RBM25: variants seen among roughly 807,000 people sequenced by gnomAD.
RBM25 encodes the protein RNA-binding protein 25.
A neutral mutation model predicts 120.7 loss-of-function variants in RBM25; 19 were observed. The observed-to-expected ratio is 0.16, with a 90% CI of 0.11 to 0.23. The LOEUF (loss-of-function observed/expected upper bound fraction) is 0.23. Ranked by LOEUF, RBM25 falls within the 10% of genes least tolerant of loss-of-function variation. RBM25 has a pLI of 1.00. For missense variants in RBM25, 605 were observed against 1,041.5 expected, an observed-to-expected ratio of 0.58 and a Z score of 5.77; for synonymous variants, 390 against 326.7, an observed-to-expected ratio of 1.19 and a Z score of -2.09.
intron 4 of RBM25, among the ~76,000 whole-genome samples, chr14:73,078,036 C>T (rs1352491406): frequency 6.6e-6 from 1 of 152,122 alleles, no homozygotes; most frequent in African/African-American, 2.4e-5. Flanking sequence ...GATGCAGTGG[C>T]TCATGCCTGT....
In RBM25 at chr14:73,099,693, A is replaced by G. The variant is rs1896020963; in HGVS notation, c.810A>G (p.Glu270=). Residue 270 remains glutamate, a synonymous_variant, in exon 9 of 19, where the codon GAA becomes GAG. Transcript: ENST00000261973. ...TKEDINAIEM[E]EDKRDLISRE... ...AGGATATAAATGCTATAGAAATGGA[A>G]GAAGACAAAAGAGACCTGATATCTC... 1 of 1,606,010 alleles carries G rather than the reference A, an allele frequency of 6.2e-7. No homozygotes were observed. Among genetic ancestry groups the G allele is most frequent in the Admixed American group, 1.7e-5 (1 of 57,282 alleles).
At chr14:73,116,933 A>G (rs914728166) in intron 18 of RBM25, among the ~76,000 whole-genome samples, 2 of 152,062 alleles carry the variant, frequency 1.3e-5, no homozygotes, top group Non-Finnish European at 2.9e-5. Context: ...AAATGAGGAG[A>G]CTGAATTTTT....
At chr14:73,064,829 T>G (rs1895088199) in intron 1 of RBM25, 1 of 151,460 alleles carries the variant, frequency 6.6e-6, no homozygotes, top group Non-Finnish European at 1.5e-5. Context: ...TGGAAAAATT[T>G]GAAGTGAATG....
chr14:73,077,621 T>G, intron 4 of RBM25, 85 bp downstream of exon 4: 1 of 1,260,474 alleles, frequency 7.9e-7, no homozygotes, highest in South Asian at 1.6e-5. Flanking sequence ...TTTCAGTGAT[T>G]GCTTTTTATT....
chr14:73,103,905 GTCTCTCTCTCTCTCTCTCTC>G (rs72346306), intron 10 of RBM25, among the ~76,000 whole-genome samples: 38 of 91,742 alleles, frequency 4.1e-4, no homozygotes, highest in Non-Finnish European at 6.4e-4. Context: ...CTGTCTGTCT[GTCTCTCTCTCTCTCTCTCTC>G]TCTCTCTCTC....
intron 1 of RBM25, among the ~76,000 whole-genome samples, chr14:73,063,012 G>A (rs1384038550): frequency 6.6e-6 from 1 of 150,940 alleles, no homozygotes; most frequent in Non-Finnish European, 1.5e-5. Flanking sequence ...GGTAGAGATG[G>A]GGTTTCACCA....
intron 6 of RBM25, among the ~76,000 whole-genome samples, chr14:73,092,698 T>C (rs1211437229): frequency 6.6e-6 from 1 of 151,980 alleles, no homozygotes; most frequent in African/African-American, 2.4e-5. Flanking sequence ...ACATTAGGTA[T>C]ATCTCCTAAT....
intron 1 of RBM25, among the ~76,000 whole-genome samples, chr14:73,061,680 C>T (rs1449014485): frequency 6.6e-6 from 1 of 151,228 alleles, no homozygotes; most frequent in African/African-American, 2.4e-5. Context: ...AATCCTCCCA[C>T]CCCAGCCTCC....
chr14:73,071,797 T>C (rs370305648), intron 2 of RBM25, 50 bp downstream of exon 2: 1 of 1,414,152 alleles, frequency 7.1e-7, no homozygotes, highest in African/African-American at 1.4e-5. Context: ...CTTTTGTCTT[T>C]GTGATACTAA....
chr14:73,119,043 A>G (rs1373009935), intron 18 of RBM25, among the ~76,000 whole-genome samples: 1 of 152,152 alleles, frequency 6.6e-6, no homozygotes, highest in Non-Finnish European at 1.5e-5. Flanking sequence ...TGCTGGGATT[A>G]TAGGTGTGAG....
At chr14:73,103,932 TCTCTCTCTCTCTCTCTCACACACACA>T (rs71109802) in intron 10 of RBM25, among the ~76,000 whole-genome samples, 8,236 of 77,956 alleles carry the variant, frequency 0.11, 260 homozygotes, top group Non-Finnish European at 0.14. Context: ...TCTCTCTCTC[TCTCTCTCTCTCTCTCTCACACACACA>T]CACACACACA....
intron 4 of RBM25, 103 bp from the exon 5 acceptor site, chr14:73,083,391 T>C (rs1895609186): frequency 3.3e-6 from 3 of 916,764 alleles, no homozygotes; most frequent in Non-Finnish European, 4.7e-6. Flanking sequence ...GGTTTTTTAT[T>C]TTATGTTTTT....
chr14:73,109,590 G>T, intron 14 of RBM25, 98 bp downstream of exon 14: 1 of 1,141,196 alleles, frequency 8.8e-7, no homozygotes, highest in Non-Finnish European at 1.2e-6. Context: ...TCGGGAGATC[G>T]AGATCATCCT....
intron 5 of RBM25, among the ~76,000 whole-genome samples, chr14:73,087,518 C>T (rs529985521): frequency 2.8e-4 from 42 of 152,184 alleles, no homozygotes; most frequent in South Asian, 6.2e-4. Flanking sequence ...GCCTCAGCCT[C>T]CCAAGTAGCT....
At chr14:73,085,590 G>A (rs949769646) in intron 5 of RBM25, among the ~76,000 whole-genome samples, 2 of 151,708 alleles carry the variant, frequency 1.3e-5, no homozygotes, top group East Asian at 1.9e-4. Context: ...GATTACAGGC[G>A]CCCACCACCA....
chr14:73,084,901 A>G (rs942479686), intron 5 of RBM25, among the ~76,000 whole-genome samples: 7 of 151,866 alleles, frequency 4.6e-5, no homozygotes, highest in African/African-American at 1.7e-4. Context: ...CAAGAATACT[A>G]TAAAGGTAGT....
intron 1 of RBM25, among the ~76,000 whole-genome samples, chr14:73,069,339 A>G (rs1447289658): frequency 6.6e-6 from 1 of 152,248 alleles, no homozygotes; most frequent in Non-Finnish European, 1.5e-5. Flanking sequence ...AGCAGTAGAT[A>G]CCAAACTGTT....
At chr14:73,104,660 C>T (rs1394939830) in intron 10 of RBM25, among the ~76,000 whole-genome samples, 2 of 152,124 alleles carry the variant, frequency 1.3e-5, no homozygotes, top group Non-Finnish European at 2.9e-5. Flanking sequence ...AGCCACCATG[C>T]CCGGCCTTAT....
rs1895503431 is a variant in RBM25, at chr14:73,079,333, GA to G, written c.324+1799del. Reference sequence around the variant, plus strand: ...AACTACGCGGGAGGCTGAGGCAGGAGAATCATTTGAACCTGGGAGGCGGAGG... The same window carrying G: ...AACTACGCGGGAGGCTGAGGCAGGAGATCATTTGAACCTGGGAGGCGGAGG... On this transcript the variant is annotated intron_variant, in intron 4 of 18. Transcript: ENST00000261973. 1.3e-5 allele frequency among the ~76,000 whole-genome samples: 2 copies of G among 150,720 alleles called. 1 individual carries two copies.
Sources: gnomAD v4.1 joint callset for allele counts (sites outside exome capture counted in the v4.1 genomes callset) on GRCh38, gnomAD v4.1.1 for gene constraint, MANE v1.5 for transcripts, NCBI Gene and HGNC (gene_info 2026-07-23, HGNC 2026-07-21) for gene names.